ANXA8: variants seen among roughly 807,000 people sequenced by gnomAD.
ANXA8 encodes VAC-beta.
ANXA8 carries 9 observed loss-of-function variants against 26.8 expected under a neutral mutation model. The ratio of observed to expected loss-of-function variants is 0.34; its 90% CI spans 0.20 to 0.59. ANXA8 has a LOEUF of 0.59. Ranked by LOEUF, ANXA8 falls within the 20% of genes least tolerant of loss-of-function variation. The pLI, the probability that ANXA8 is intolerant of heterozygous loss-of-function variation, is 0.84. For synonymous variants in ANXA8, 39 were observed against 94.8 expected, an observed-to-expected ratio of 0.41 and a Z score of 3.42; for missense variants, 83 against 238.5, an observed-to-expected ratio of 0.35 and a Z score of 4.29.
the ANXA8 span, among the ~76,000 whole-genome samples, chr10:47,660,564 C>T: frequency 6.6e-6 from 1 of 151,778 alleles, no homozygotes; most frequent in South Asian, 2.1e-4. Context: ...CCATGCCTGG[C>T]TAATTTTTGT....
the ANXA8 span, among the ~76,000 whole-genome samples, chr10:47,952,355 T>C: frequency 6.6e-6 from 1 of 150,412 alleles, no homozygotes; most frequent in Admixed American, 6.6e-5. Context: ...GAAATAATAA[T>C]GTACTTTAAA....
the ANXA8 span, among the ~76,000 whole-genome samples, chr10:47,518,578 ATTTT>A: frequency 8.6e-6 from 1 of 116,462 alleles, no homozygotes. Flanking sequence ...TGCCTAGCTA[ATTTT>A]TTTTTGTATT....
At chr10:47,575,261 AAG>A in the ANXA8 span, among the ~76,000 whole-genome samples, 1 of 136,884 alleles carries the variant, frequency 7.3e-6, no homozygotes, top group South Asian at 2.3e-4. Flanking sequence ...GAAGGAAAGA[AAG>A]AGAGAGAAAG....
chr10:47,671,518 T>C, the ANXA8 span, among the ~76,000 whole-genome samples: 11 of 152,066 alleles, frequency 7.2e-5, 1 homozygote, highest in African/African-American at 2.4e-4. Flanking sequence ...AGATAATAAT[T>C]GTTATAGTAT....
At chr10:47,527,777 T>C in the ANXA8 span, among the ~76,000 whole-genome samples, 4 of 143,396 alleles carry the variant, frequency 2.8e-5, no homozygotes, top group Admixed American at 2.1e-4. Context: ...AGAGATGTAG[T>C]ATTAAAGGGA....
At chr10:47,502,434 C>T in the ANXA8 span, 2 of 1,605,094 alleles carry the variant, frequency 1.2e-6, no homozygotes, top group African/African-American at 2.8e-5. Context: ...AACGGATCCA[C>T]CATTCCTTCT....
At chr10:47,526,328 C>T in the ANXA8 span, among the ~76,000 whole-genome samples, 1 of 133,490 alleles carries the variant, frequency 7.5e-6, no homozygotes, top group Non-Finnish European at 1.6e-5. Flanking sequence ...TGATCTCGAA[C>T]TCCTGACCTC....
the ANXA8 span, among the ~76,000 whole-genome samples, chr10:47,686,261 C>T: frequency 4.7e-5 from 7 of 148,068 alleles, no homozygotes; most frequent in Admixed American, 4.1e-4. Context: ...CAGAGTCACC[C>T]AGACTGGAGT....
the ANXA8 span, among the ~76,000 whole-genome samples, chr10:47,595,979 A>G: frequency 1.3e-5 from 2 of 148,456 alleles, no homozygotes; most frequent in Non-Finnish European, 2.9e-5. Context: ...TCATCTTCAC[A>G]TGGAACATAC....
the ANXA8 span, among the ~76,000 whole-genome samples, chr10:47,553,955 T>G: frequency 4.7e-5 from 7 of 148,968 alleles, no homozygotes; most frequent in Admixed American, 1.3e-4. Context: ...ACGAGGGAGA[T>G]CTCGCGTTCT....
Position 47,474,400 on chromosome 10 carries a change from T to C in ANXA8, c.553-2A>G, listed in dbSNP as rs1353832162. 9.8e-6 allele frequency: 14 copies of C among 1,431,698 alleles called. No individual in the cohort carries two copies. The highest frequency in any genetic ancestry group is 8.7e-5 in the African/African-American group (5 of 57,460). The allele number at this position is 1,431,698 out of a possible 1,614,324, so 88.7% of individuals were successfully genotyped here. Reference sequence around the variant, plus strand: ...CTTCTCGCCTGCCGCATACAGATCCTAGCATTGGGACACCCACAATAAGCC... The same window carrying C: ...CTTCTCGCCTGCCGCATACAGATCCCAGCATTGGGACACCCACAATAAGCC... On this transcript the variant is annotated splice_acceptor_variant, in intron 7 of 11. Transcript: ENST00000585281. LOFTEE classifies it high-confidence loss of function.
the ANXA8 span, among the ~76,000 whole-genome samples, chr10:47,667,919 G>A: frequency 2.6e-5 from 4 of 151,888 alleles, no homozygotes; most frequent in South Asian, 2.1e-4. Flanking sequence ...TGTATTTTTA[G>A]TAGAGACAGG....
chr10:47,896,859 A>G, the ANXA8 span, among the ~76,000 whole-genome samples: 1 of 152,108 alleles, frequency 6.6e-6, no homozygotes, highest in African/African-American at 2.4e-5. Flanking sequence ...AAAAGTCACA[A>G]TTGAATACCA....
the ANXA8 span, among the ~76,000 whole-genome samples, chr10:47,559,602 C>G: frequency 6.6e-6 from 1 of 151,842 alleles, no homozygotes. Context: ...AGTATTGCCG[C>G]AGAGTATTTT....
At chr10:47,491,553 C>T in the ANXA8 span, 1 of 1,453,454 alleles carries the variant, frequency 6.9e-7, no homozygotes, top group Middle Eastern at 2.5e-4. Context: ...CAGACCCAGT[C>T]TGCCCCAGAT....
the ANXA8 span, among the ~76,000 whole-genome samples, chr10:47,571,827 A>G: frequency 6.8e-6 from 1 of 147,620 alleles, no homozygotes. Context: ...TTGTAGAGAC[A>G]TGGTCTCATC....
chr10:47,510,951 T>A, the ANXA8 span, among the ~76,000 whole-genome samples: 3 of 134,112 alleles, frequency 2.2e-5, no homozygotes, highest in Admixed American at 7.7e-5. Context: ...TTTATTTATT[T>A]ATTTATTTTT....
the ANXA8 span, among the ~76,000 whole-genome samples, chr10:47,657,587 G>A: frequency 6.6e-6 from 1 of 151,302 alleles, no homozygotes; most frequent in Non-Finnish European, 1.5e-5. Flanking sequence ...TGAAAATTAA[G>A]ACAGTTCATA....
At chr10:47,549,470 C>T in the ANXA8 span, 7 of 1,097,894 alleles carry the variant, frequency 6.4e-6, no homozygotes. Context: ...TTTTTAATTG[C>T]ATCCAGTAAA....
Sources: gnomAD v4.1 joint callset for allele counts (sites outside exome capture counted in the v4.1 genomes callset) on GRCh38, gnomAD v4.1.1 for gene constraint, MANE v1.5 for transcripts, NCBI Gene and HGNC (gene_info 2026-07-23, HGNC 2026-07-21) for gene names.